CAND2: variants seen among roughly 807,000 people sequenced by gnomAD.
CAND2 encodes cullin associated and neddylation dissociated 2 (putative), also known as cullin-associated NEDD8-dissociated protein 2.
In CAND2, 62 loss-of-function variants were observed where a neutral mutation model predicts 98.9. That is an observed-to-expected ratio of 0.63 (90% CI 0.51 to 0.77). The LOEUF is 0.77. CAND2 is among the 30% of genes least tolerant of loss of function. CAND2 has a pLI of 0.00. For synonymous variants in CAND2, 770 were observed against 731.9 expected (o/e 1.05, Z -0.84); for missense variants, 1,501 against 1,655.2 (o/e 0.91, Z 1.62).
chr3:12,806,629 G>T (rs1368508580), intron 2 of CAND2, among the ~76,000 whole-genome samples: 2 of 152,196 alleles, frequency 1.3e-5, no homozygotes, highest in Non-Finnish European at 2.9e-5. Flanking sequence ...GCCCAGGTAG[G>T]CATTTTTTAG....
rs200578477 is a variant in CAND2, at chr3:12,815,914, C to A, written c.1347C>A (p.Ser449Arg). ...TGCAGCGGCAGCTTAAAGATCGGAG[C>A]GTCAGAGCCCGCCAGGGATGCTTCA... ...KALQRQLKDRSVRARQGCFSL... is the reference protein window; with the variant it reads ...KALQRQLKDRRVRARQGCFSL... The change falls in exon 9 of 15, where the codon AGC becomes AGA. Residue 449 changes from serine (S) to arginine (R), a missense_variant. Physicochemically the swap from Ser to Arg is moderately radical, Grantham distance 110. This residue lies in a region of CAND2 where 1,427 missense variants were observed against 1,545.3 expected (regional missense o/e 0.92). Coordinates refer to ENST00000456430, the MANE Select transcript of CAND2 (RefSeq NM_001162499.2). This position sits in a 1 kb window ranked among gnomAD's most constrained non-coding sequence, Gnocchi z 5.7. 2 of 1,613,716 alleles carry A rather than the reference C, an allele frequency of 1.2e-6. No individual in the cohort carries two copies. The highest frequency in any genetic ancestry group is 8.5e-7 in the Non-Finnish European group (1 of 1,179,970).
intron 2 of CAND2, among the ~76,000 whole-genome samples, chr3:12,805,951 T>C (rs887386831): frequency 1.3e-5 from 2 of 152,200 alleles, no homozygotes; most frequent in Non-Finnish European, 2.9e-5. Flanking sequence ...AAGGTGGTAT[T>C]ACTCCTAGTG....
chr3:12,809,889 A>G, intron 4 of CAND2, 170 bp from the exon 5 acceptor site: 1 of 735,130 alleles, frequency 1.4e-6, no homozygotes, highest in East Asian at 3.4e-5. Context: ...TCATGTAACA[A>G]AAGTAATTAA....
chr3:12,808,921 G>C lies in CAND2; in HGVS notation c.491+588G>C, dbSNP rs550524440. Reference sequence around the variant, plus strand: ...GGCAGGCTGTAATGTGGAGAGGTGGGTATGCAGAGCTGAGGTGCAGGGCTG... The same window carrying C: ...GGCAGGCTGTAATGTGGAGAGGTGGCTATGCAGAGCTGAGGTGCAGGGCTG... On this transcript the variant is annotated intron_variant, in intron 4 of 14. Coordinates refer to ENST00000456430, the MANE Select transcript of CAND2 (RefSeq NM_001162499.2). 5.9e-5 allele frequency among the ~76,000 whole-genome samples: 9 copies of C among 152,266 alleles called. 1 individual carries two copies. In the South Asian group the frequency reaches 1.9e-3, roughly 32 times the overall value.
At chr3:12,829,991 ACGGTGTGAT>A (rs1369193779) in intron 13 of CAND2, among the ~76,000 whole-genome samples, 1 of 152,208 alleles carries the variant, frequency 6.6e-6, no homozygotes, top group Non-Finnish European at 1.5e-5. Flanking sequence ...ACTGTGACCC[ACGGTGTGAT>A]CGGTGGGCTT....
At chr3:12,825,390 A>G in intron 11 of CAND2, 80 bp from the exon 12 acceptor site, 1 of 1,393,586 alleles carries the variant, frequency 7.2e-7, no homozygotes, top group Non-Finnish European at 9.8e-7. Context: ...GTGCACAGTA[A>G]CCAGATGGCC....
chr3:12,819,932 A>C (rs2061942769), intron 10 of CAND2, among the ~76,000 whole-genome samples, 154 bp from the exon 11 acceptor site: 1 of 152,180 alleles, frequency 6.6e-6, no homozygotes, highest in African/African-American at 2.4e-5. Context: ...CAAGGCTGCC[A>C]AGGGAAATGG....
chr3:12,799,935 G>C (rs2061754299), intron 1 of CAND2, among the ~76,000 whole-genome samples: 1 of 152,202 alleles, frequency 6.6e-6, no homozygotes, highest in Non-Finnish European at 1.5e-5. Context: ...AACAGATGAA[G>C]AAGAAGAGCG....
Position 12,834,330 on chromosome 3 carries a change from T to C in CAND2, c.*348T>C, listed in dbSNP as rs189870967. 33 of 250,072 alleles carry C rather than the reference T, an allele frequency of 1.3e-4. No homozygotes were observed. The highest frequency in any genetic ancestry group is 2.4e-4 in the East Asian group (3 of 12,652). 15.5% of individuals were successfully genotyped at this position (250,072 alleles called of 1,614,324 possible). A position where few individuals can be genotyped will look rare whatever the true frequency, so the allele number is the denominator to read the frequency against. The stretch of plus-strand genomic sequence containing the variant: ...CTCACAAACTAGTAGTATTTAGAAA[T>C]AGGCTGTGCTGTCAGCTGTAAAAGA... On this transcript the variant is annotated 3_prime_UTR_variant, in exon 15 of 15. Coordinates refer to ENST00000456430, the MANE Select transcript of CAND2 (RefSeq NM_001162499.2).
At chr3:12,810,380 G>A (rs761228123) in intron 5 of CAND2, 56 bp downstream of exon 5, 67 of 1,367,864 alleles carry the variant, frequency 4.9e-5, no homozygotes, top group Non-Finnish European at 6.0e-5. Context: ...CTTAGGGTGA[G>A]CCAATGACTC....
intron 12 of CAND2, 146 bp from the exon 13 acceptor site, chr3:12,827,294 G>A: frequency 1.5e-6 from 1 of 649,468 alleles, no homozygotes; most frequent in South Asian, 2.2e-5. Context: ...ACTGCAGGCT[G>A]AGCAAAGGCA....
chr3:12,813,401 C>T lies in CAND2; in HGVS notation c.1006+13C>T. On this transcript the variant is annotated intron_variant, in intron 7 of 14. Transcript: ENST00000456430. ...TTCAGTGAGCAAGGTTGGTGGACAGCCCATCATTGGGGTTGGAGGGTGGAG... is the reference window on the plus strand; with the variant it reads ...TTCAGTGAGCAAGGTTGGTGGACAGTCCATCATTGGGGTTGGAGGGTGGAG... The T allele has an allele frequency of 6.2e-7, 1 of 1,610,172 alleles. No individual in the cohort carries two copies. The highest frequency in any genetic ancestry group is 2.2e-5 in the East Asian group (1 of 44,874).
intron 10 of CAND2, among the ~76,000 whole-genome samples, chr3:12,818,407 G>A (rs989446696): frequency 1.3e-5 from 2 of 152,234 alleles, no homozygotes; most frequent in African/African-American, 2.4e-5. Context: ...CAGCTCTTTC[G>A]GCTAGCCTGA....
chr3:12,810,788 A>T (rs2061846291), intron 5 of CAND2, among the ~76,000 whole-genome samples: 1 of 152,252 alleles, frequency 6.6e-6, no homozygotes, highest in South Asian at 2.1e-4. Flanking sequence ...GAAACAATTT[A>T]ATGTGCATAC....
chr3:12,801,196 C>T (rs1028615627), intron 1 of CAND2, among the ~76,000 whole-genome samples: 3 of 152,062 alleles, frequency 2.0e-5, no homozygotes, highest in Non-Finnish European at 4.4e-5. Flanking sequence ...TGCCACCGCG[C>T]TCGGCTAATT....
At chr3:12,806,559 TC>T (rs1277985206) in intron 2 of CAND2, among the ~76,000 whole-genome samples, 3 of 151,932 alleles carry the variant, frequency 2.0e-5, no homozygotes, top group Non-Finnish European at 2.9e-5. Flanking sequence ...TTAAAAGCCC[TC>T]CCCCAACCCC....
chr3:12,805,004 C>T (rs1315828008), intron 2 of CAND2, among the ~76,000 whole-genome samples: 10 of 152,164 alleles, frequency 6.6e-5, no homozygotes, highest in African/African-American at 2.2e-4. Context: ...TTTGTAATAC[C>T]GTTTCCTATT....
chr3:12,803,494 G>A lies in CAND2; in HGVS notation c.75G>A (p.Met25Ile). 2 of 1,608,184 alleles carry A rather than the reference G, an allele frequency of 1.2e-6. No homozygotes were observed. Among genetic ancestry groups the A allele is most frequent in the Non-Finnish European group, 8.5e-7 (1 of 1,176,948 alleles). ...CTCCACCCTCCCTGTGCAGGTTCATGGCCACCAGCGACCTGATGTCGGAGT... is the reference window on the plus strand; with the variant it reads ...CTCCACCCTCCCTGTGCAGGTTCATAGCCACCAGCGACCTGATGTCGGAGT... ...MTSSDKDFRFMATSDLMSELQ... is the reference protein window; with the variant it reads ...MTSSDKDFRFIATSDLMSELQ... Residue 25 changes from methionine to isoleucine, a missense_variant, in exon 2 of 15, where the codon ATG becomes ATA. By Grantham distance (10) the Met-to-Ile change is conservative. Around this residue, in one of 3 missense-constraint regions of CAND2, gnomAD observed 62 missense variants for 77.3 expected, o/e 0.80. Transcript: ENST00000456430.
Position 12,803,493 on chromosome 3 carries a change from T to C in CAND2, c.74T>C (p.Met25Thr). The C allele has an allele frequency of 1.9e-6, 3 of 1,607,990 alleles. No homozygotes were observed. The highest frequency in any genetic ancestry group is 2.5e-6 in the Non-Finnish European group (3 of 1,176,832). ...MTSSDKDFRF[M>T]ATSDLMSELQ... ...CCTCCACCCTCCCTGTGCAGGTTCA[T>C]GGCCACCAGCGACCTGATGTCGGAG... The change falls in exon 2 of 15, where the codon ATG becomes ACG. Residue 25 changes from methionine (M) to threonine (T), a missense_variant. This residue lies in a region of CAND2 where 62 missense variants were observed against 77.3 expected (regional missense o/e 0.80). Transcript: ENST00000456430.
Sources: gnomAD v4.1 joint callset for allele counts (sites outside exome capture counted in the v4.1 genomes callset) on GRCh38, gnomAD v4.1.1 for gene constraint, gnomAD v4.1.1 regional missense constraint, Gnocchi (gnomAD v3.1) non-coding constraint, MANE v1.5 for transcripts, NCBI Gene and HGNC (gene_info 2026-07-23, HGNC 2026-07-21) for gene names.